The following CDH4 variants were observed in gnomAD, a reference collection of about 807,000 sequenced individuals.
CDH4 encodes cadherin 4.
Under a neutral mutation model 86.0 loss-of-function variants are expected in CDH4, and 33 were observed. The ratio of observed to expected loss-of-function variants is 0.38; its 90% CI spans 0.29 to 0.51. CDH4 has a LOEUF of 0.51. CDH4 is among the 20% of genes least tolerant of loss of function. The pLI, the probability that CDH4 is intolerant of heterozygous loss-of-function variation, is 0.86. For synonymous variants in CDH4, 555 were observed against 549.4 expected (o/e 1.01, Z -0.14); for missense variants, 1,114 against 1,307.4 (o/e 0.85, Z 2.28).
At chr20:61,290,895 T>C (rs2084317048) in intron 2 of CDH4, among the ~76,000 whole-genome samples, 1 of 152,208 alleles carries the variant, frequency 6.6e-6, no homozygotes, top group Admixed American at 6.5e-5. Context: ...GCTTCAGGCA[T>C]GGCTGGATCC....
chr20:61,727,288 G>GGAGCCATCATCACCATCA (rs889295394), intron 2 of CDH4, among the ~76,000 whole-genome samples: 2 of 151,176 alleles, frequency 1.3e-5, no homozygotes, highest in Non-Finnish European at 2.9e-5. Context: ...CATCAACACT[G>GGAGCCATCATCACCATCA]GAGCCATCAT....
rs547673753 is a variant in CDH4 at position 61,661,089 on chromosome 20, G to GC, written c.170-82474_170-82473insC. 6.4e-5 allele frequency among the ~76,000 whole-genome samples: 9 copies of GC among 140,332 alleles called. 2 individuals carry two copies. Among genetic ancestry groups the GC allele is most frequent in the Non-Finnish European group, 1.4e-4 (9 of 65,224 alleles). The allele number at this position is 140,332 out of a possible 152,430, so 92.1% of individuals were successfully genotyped here. A position where few individuals can be genotyped will look rare whatever the true frequency, so the allele number is the denominator to read the frequency against. ...GGCATGGACAGGAGGCATGGCGGGG[G>GC]GGGGGGAGACACAGTGCCAGGCTCA... On this transcript the variant is annotated intron_variant, in intron 2 of 15. Coordinates refer to ENST00000614565, the MANE Select transcript of CDH4 (RefSeq NM_001794.5).
intron 2 of CDH4, among the ~76,000 whole-genome samples, chr20:61,594,173 A>G (rs1600790656): frequency 1.4e-5 from 1 of 73,984 alleles, no homozygotes. Flanking sequence ...AAGAGGGGGG[A>G]AAGGGGGTGG....
chr20:61,791,719 CG>C (rs1979211629), intron 4 of CDH4, among the ~76,000 whole-genome samples: 1 of 152,184 alleles, frequency 6.6e-6, no homozygotes, highest in Non-Finnish European at 1.5e-5. Context: ...GTAGATGGGA[CG>C]TGCCAGCCAA....
At chr20:61,598,615 C>T (rs1336705358) in intron 2 of CDH4, among the ~76,000 whole-genome samples, 1 of 152,126 alleles carries the variant, frequency 6.6e-6, no homozygotes, top group African/African-American at 2.4e-5. Flanking sequence ...GGAGGATGTG[C>T]AGAGGGAGCC....
chr20:61,770,167 A>C (rs1439837527), intron 3 of CDH4, among the ~76,000 whole-genome samples: 1 of 152,140 alleles, frequency 6.6e-6, no homozygotes, highest in Non-Finnish European at 1.5e-5. Flanking sequence ...CCTTGTCATC[A>C]TGAGGGGCTG....
chr20:61,908,229 C>T (rs956820449), intron 8 of CDH4, among the ~76,000 whole-genome samples: 3 of 152,216 alleles, frequency 2.0e-5, no homozygotes, highest in African/African-American at 7.2e-5. Context: ...TCTGTCGCGT[C>T]GCCGTCCTTT....
chr20:61,411,120 T>TTCCATCCATCCATCCATCCA (rs11473075), intron 2 of CDH4, among the ~76,000 whole-genome samples: 1 of 146,800 alleles, frequency 6.8e-6, no homozygotes, highest in African/African-American at 2.6e-5. Flanking sequence ...CCGTCTTTCC[T>TTCCATCCATCCATCCATCCA]TCCATCCATC....
intron 2 of CDH4, among the ~76,000 whole-genome samples, chr20:61,631,271 A>G (rs1671798909): frequency 6.6e-6 from 1 of 152,200 alleles, no homozygotes; most frequent in African/African-American, 2.4e-5. Context: ...CTGGGGACGC[A>G]GAGCTGTCCC....
At chr20:61,388,020 T>TG (rs747625845) in intron 2 of CDH4, among the ~76,000 whole-genome samples, 1 of 152,230 alleles carries the variant, frequency 6.6e-6, no homozygotes, top group Non-Finnish European at 1.5e-5. Flanking sequence ...GTCTATAATT[T>TG]GGGGGCACTT....
chr20:61,619,053 G>T (rs1461867946), intron 2 of CDH4, among the ~76,000 whole-genome samples: 2 of 152,168 alleles, frequency 1.3e-5, no homozygotes, highest in East Asian at 3.9e-4. Flanking sequence ...CGTGGCCCCT[G>T]CCCAGTGATA....
At chr20:61,782,859 G>A (rs529356697) in intron 4 of CDH4, among the ~76,000 whole-genome samples, 99 of 152,288 alleles carry the variant, frequency 6.5e-4, no homozygotes, top group African/African-American at 2.2e-3. Flanking sequence ...CGAGGTGGAC[G>A]TACCACTTGA....
At chr20:61,528,744 C>T (rs2085931060) in intron 2 of CDH4, among the ~76,000 whole-genome samples, 1 of 152,116 alleles carries the variant, frequency 6.6e-6, no homozygotes, top group African/African-American at 2.4e-5. Flanking sequence ...GGAAATTGCC[C>T]TAAGATGAAG....
At chr20:61,664,461 A>T (rs1443622223) in intron 2 of CDH4, among the ~76,000 whole-genome samples, 1 of 152,194 alleles carries the variant, frequency 6.6e-6, no homozygotes, top group Admixed American at 6.5e-5. Context: ...CGGCCTTTGC[A>T]GCATTCTTCC....
intron 2 of CDH4, among the ~76,000 whole-genome samples, chr20:61,383,318 T>A (rs538470168): frequency 2.3e-4 from 1 of 4,322 alleles, no homozygotes; most frequent in Non-Finnish European, 9.6e-4. Context: ...TGAATATATG[T>A]GATATATATG....
intron 8 of CDH4, among the ~76,000 whole-genome samples, chr20:61,903,564 A>T (rs954385943): frequency 2.0e-5 from 3 of 151,722 alleles, no homozygotes; most frequent in Middle Eastern, 3.4e-3. Flanking sequence ...AAAAAAGTGT[A>T]AATGTACATA....
intron 2 of CDH4, among the ~76,000 whole-genome samples, chr20:61,345,150 C>A (rs1416261793): frequency 1.3e-5 from 2 of 152,224 alleles, no homozygotes; most frequent in African/African-American, 4.8e-5. Flanking sequence ...TAATGAGAAA[C>A]CTAATGGGTT....
chr20:61,565,221 T>TGGTAGTAGTGGTCCTCTTGGTGATGGGG (rs1414076004), intron 2 of CDH4, among the ~76,000 whole-genome samples: 1 of 40,548 alleles, frequency 2.5e-5, no homozygotes, highest in African/African-American at 1.4e-4. Context: ...CTCTCGGTGG[T>TGGTAGTAGTGGTCCTCTTGGTGATGGGG]AGGTGGTGGT....
At position 61,938,460 on chromosome 20, in the gene CDH4, G is replaced by GTCTCTTTCT. The variant is rs2055223210; in HGVS notation, c.*1517_*1518insTCTCTTTCT. On this transcript the variant is annotated 3_prime_UTR_variant, in exon 16 of 16. Coordinates refer to ENST00000614565, the MANE Select transcript of CDH4 (RefSeq NM_001794.5). ...CCCCACGTGGGGAAGCCTCGTGCTT[G>GTCTCTTTCT]GTCAGCTTTCTGTCTCTCCCAGGCC... The GTCTCTTTCT allele has an allele frequency of 6.6e-6, 1 of 152,476 alleles. No homozygotes were observed. The highest frequency in any genetic ancestry group is 2.1e-4 in the South Asian group (1 of 4,836). The allele number at this position is 152,476 out of a possible 1,614,324, so 9.4% of individuals were successfully genotyped here. A position where few individuals can be genotyped will look rare whatever the true frequency, so the allele number is the denominator to read the frequency against.
Sources: gnomAD v4.1 joint callset for allele counts (sites outside exome capture counted in the v4.1 genomes callset) on GRCh38, gnomAD v4.1.1 for gene constraint, MANE v1.5 for transcripts, NCBI Gene and HGNC (gene_info 2026-07-23, HGNC 2026-07-21) for gene names.